ANKS1A: variants seen among roughly 807,000 people sequenced by gnomAD.
ANKS1A encodes the protein ankyrin repeat and sterile alpha motif domain containing 1A.
A neutral mutation model predicts 120.3 loss-of-function variants in ANKS1A; 55 were observed. The ratio of observed to expected loss-of-function variants is 0.46; its 90% confidence interval spans 0.37 to 0.57. The LOEUF (loss-of-function observed/expected upper bound fraction) is 0.57, where lower values mean the gene tolerates loss of function less well. ANKS1A is among the 20% of genes least tolerant of loss of function. ANKS1A has a pLI of 0.00. For synonymous variants in ANKS1A, 590 were observed against 604.7 expected (o/e 0.98, Z 0.36); for missense variants, 1,123 against 1,480.3 (o/e 0.76, Z 3.96).
chr6:35,057,959 C>T lies in ANKS1A; in HGVS notation c.2078-2188C>T, dbSNP rs560485661. 6.6e-6 allele frequency among the ~76,000 whole-genome samples: 1 copy of T among 152,314 alleles called. No individual in the cohort carries two copies. Among genetic ancestry groups the T allele is most frequent in the South Asian group, 2.1e-4 (1 of 4,828 alleles). The stretch of plus-strand genomic sequence containing the variant: ...TTCTTCCTGACAAGCTGTTTCCAGC[C>T]CCTGGAGCTAGAGGTAAAGTTTCAT... On this transcript the variant is annotated intron_variant, in intron 12 of 23. Transcript: ENST00000360359. This position sits in a 1 kb window ranked among gnomAD's most constrained non-coding sequence, Gnocchi z 4.1.
chr6:34,916,407 G>A (rs982906867), intron 1 of ANKS1A, among the ~76,000 whole-genome samples: 1 of 152,098 alleles, frequency 6.6e-6, no homozygotes. Flanking sequence ...GCTAATTGGA[G>A]TTAAAGTGTT....
intron 3 of ANKS1A, among the ~76,000 whole-genome samples, chr6:34,973,887 ACTTCCCCTTCCCTTCCCCTTCCCCTTCC>A (rs1771323699): frequency 1.5e-3 from 16 of 10,836 alleles, no homozygotes; most frequent in African/African-American, 7.0e-3. Flanking sequence ...CTTCCCCTTC[ACTTCCCCTTCCCTTCCCCTTCCCCTTCC>A]CTTCCCCTTC....
At chr6:35,097,637 G>GAAAAAAAAAAA in the ANKS1A span, among the ~76,000 whole-genome samples, 1 of 89,768 alleles carries the variant, frequency 1.1e-5, no homozygotes, top group Non-Finnish European at 2.2e-5. Flanking sequence ...AAAGCCAAAA[G>GAAAAAAAAAAA]AAAAAAAAAA....
intron 1 of ANKS1A, among the ~76,000 whole-genome samples, chr6:34,964,058 A>G (rs894558945): frequency 1.3e-5 from 2 of 152,244 alleles, no homozygotes; most frequent in East Asian, 3.9e-4. Context: ...ATTTCCTCCT[A>G]TTCCATAAGT....
chr6:34,987,005 C>G (rs1170630974), intron 8 of ANKS1A, among the ~76,000 whole-genome samples: 1 of 152,242 alleles, frequency 6.6e-6, no homozygotes. Flanking sequence ...GAATGATTTC[C>G]TGTGATTGAT....
chr6:34,921,229 C>G (rs1430230214), intron 1 of ANKS1A, among the ~76,000 whole-genome samples: 2 of 152,186 alleles, frequency 1.3e-5, no homozygotes, highest in Non-Finnish European at 2.9e-5. Context: ...TAGCCTATGT[C>G]AAGACTTTCT....
At chr6:34,948,131 C>T (rs1454541613) in intron 1 of ANKS1A, among the ~76,000 whole-genome samples, 1 of 150,142 alleles carries the variant, frequency 6.7e-6, no homozygotes, top group East Asian at 1.9e-4. Flanking sequence ...TTGCTGCACC[C>T]ATTAACTCAT....
At chr6:35,052,236 C>T (rs952447517) in intron 11 of ANKS1A, among the ~76,000 whole-genome samples, 4 of 152,096 alleles carry the variant, frequency 2.6e-5, no homozygotes, top group African/African-American at 9.7e-5. Context: ...TCACTTGAGT[C>T]CAACAGTTTG....
Position 34,989,236 on chromosome 6 carries a change from C to T in ANKS1A, c.1222C>T (p.Pro408Ser), listed in dbSNP as rs1008328698. Reference sequence around the variant, plus strand: ...TTCTCTTCTGCAGAGGGAACGTCCACCACCTCCAGCAAAGCCACCGCCCGA... The same window carrying T: ...TTCTCTTCTGCAGAGGGAACGTCCATCACCTCCAGCAAAGCCACCGCCCGA... ...PAGVRPRERPPPPAKPPPDEE... is the reference protein window; with the variant it reads ...PAGVRPRERPSPPAKPPPDEE... The change falls in exon 9 of 24, where the codon CCA (proline) becomes TCA (serine). Residue 408 changes from proline to serine, a missense_variant. By Grantham distance (74) the Pro-to-Ser change is moderately conservative. Transcript: ENST00000360359. The T allele has an allele frequency of 2.5e-6, 4 of 1,613,758 alleles. No individual in the cohort carries two copies. In the Admixed American group the frequency reaches 5.0e-5, roughly 20 times the overall value.
At position 35,085,724 on chromosome 6, in the gene ANKS1A, C is replaced by T. The variant is rs1204847690; in HGVS notation, c.3133-42C>T. On this transcript the variant is annotated intron_variant, in intron 21 of 23. Coordinates refer to ENST00000360359, the MANE Select transcript of ANKS1A (RefSeq NM_015245.3). This position sits in a 1 kb window ranked among gnomAD's most constrained non-coding sequence, Gnocchi z 4.7. ...GAAGGGCATATCCAGTGTGAAGCGG[C>T]TCCTGAACCAGGTGCTTAAGTGGTG... The T allele has an allele frequency of 8.4e-6, 13 of 1,539,762 alleles. No individual in the cohort carries two copies. Among genetic ancestry groups the T allele is most frequent in the African/African-American group, 4.1e-5 (3 of 72,432 alleles).
rs117201220 is a variant in ANKS1A at position 35,039,012 on chromosome 6, C to T, written c.2011-15087C>T. The stretch of plus-strand genomic sequence containing the variant: ...ACTCTAATACAATACCAAAACCAGG[C>T]GATTGACCGTGGAAGAATCCACACA... On this transcript the variant is annotated intron_variant, in intron 11 of 23. Coordinates refer to ENST00000360359, the MANE Select transcript of ANKS1A (RefSeq NM_015245.3). 2.0e-3 allele frequency among the ~76,000 whole-genome samples: 305 copies of T among 151,904 alleles called. 8 individuals carry two copies. The East Asian group carries it at 0.056, about 28-fold the overall frequency.
At chr6:34,974,520 C>G (rs916999955) in intron 3 of ANKS1A, among the ~76,000 whole-genome samples, 1 of 151,380 alleles carries the variant, frequency 6.6e-6, no homozygotes, top group African/African-American at 2.4e-5. Context: ...GTTTTCTAGT[C>G]TTCAGAATAG....
At chr6:34,974,391 CTTCCCCTTCCA>C (rs1771445832) in intron 3 of ANKS1A, among the ~76,000 whole-genome samples, 1 of 113,608 alleles carries the variant, frequency 8.8e-6, no homozygotes, top group African/African-American at 3.5e-5. Flanking sequence ...TTCCCTTCCC[CTTCCCCTTCCA>C]TTCCCCTTCC....
At chr6:34,962,589 C>T (rs529431002) in intron 1 of ANKS1A, among the ~76,000 whole-genome samples, 1 of 152,122 alleles carries the variant, frequency 6.6e-6, no homozygotes, top group Non-Finnish European at 1.5e-5. Flanking sequence ...AGATCAAGAC[C>T]ATCCTGGCTA....
chr6:34,978,816 A>G (rs1771747715), intron 3 of ANKS1A, among the ~76,000 whole-genome samples: 1 of 151,898 alleles, frequency 6.6e-6, no homozygotes, highest in African/African-American at 2.4e-5. Context: ...AAAAAAAAAA[A>G]AAAAAAAAAG....
intron 1 of ANKS1A, among the ~76,000 whole-genome samples, chr6:34,961,700 A>G (rs144626118): frequency 0.012 from 1,899 of 152,328 alleles, 18 homozygotes; most frequent in Middle Eastern, 0.024. Context: ...CCTTGGGGAC[A>G]TGAACTGAGA....
chr6:35,078,819 C>A (rs1306447258), intron 14 of ANKS1A, among the ~76,000 whole-genome samples, 163 bp downstream of exon 14: 1 of 152,226 alleles, frequency 6.6e-6, no homozygotes, highest in Non-Finnish European at 1.5e-5. Context: ...CGCACACAAC[C>A]CTGTTTGCTT....
intron 1 of ANKS1A, among the ~76,000 whole-genome samples, chr6:34,936,835 A>C (rs774729258): frequency 2.6e-5 from 4 of 152,224 alleles, no homozygotes; most frequent in African/African-American, 4.8e-5. Context: ...CTAAAATTCT[A>C]TAAGAAACTA....
At chr6:35,078,467 G>T in intron 13 of ANKS1A, 91 bp from the exon 14 acceptor site, 2 of 1,126,592 alleles carry the variant, frequency 1.8e-6, no homozygotes, top group Non-Finnish European at 2.6e-6. Context: ...AGGAGAATTT[G>T]GTGCAGGGCC....
Sources: allele counts gnomAD v4.1 joint callset (sites outside exome capture counted in the v4.1 genomes callset), GRCh38; gene constraint gnomAD v4.1.1; non-coding constraint Gnocchi (gnomAD v3.1); transcripts MANE v1.5; gene names NCBI Gene and HGNC (gene_info 2026-07-23, HGNC 2026-07-21).